Variants in PLEKHH2 observed in about 807,000 individuals in gnomAD.
The protein encoded by PLEKHH2 is pleckstrin homology domain-containing family H member 2.
In PLEKHH2, 129 loss-of-function variants were observed where a neutral mutation model predicts 187.9. The ratio of observed to expected loss-of-function variants is 0.69; its 90% CI spans 0.59 to 0.79. The LOEUF is 0.79. Ranked by LOEUF, PLEKHH2 falls within the 30% of genes least tolerant of loss-of-function variation. The pLI is 0.00. For missense variants in PLEKHH2, 2,076 were observed against 1,751.2 expected, an observed-to-expected ratio of 1.19 and a Z score of -3.31; for synonymous variants, 686 against 605.6, an observed-to-expected ratio of 1.13 and a Z score of -1.95.
At chr2:43,694,576 T>G in intron 5 of PLEKHH2, 62 bp downstream of exon 5, 1 of 1,455,938 alleles carries the variant, frequency 6.9e-7, no homozygotes, top group Non-Finnish European at 9.2e-7. Context: ...TGATACATCA[T>G]CAGAATATGT....
At chr2:43,695,947 G>A (rs569791260) in intron 6 of PLEKHH2, among the ~76,000 whole-genome samples, 60 of 152,260 alleles carry the variant, frequency 3.9e-4, no homozygotes, top group Non-Finnish European at 5.9e-4. Context: ...GCACTTCCAT[G>A]TGTTCTTAGA....
chr2:43,686,328 C>G (rs1668504989), intron 3 of PLEKHH2, among the ~76,000 whole-genome samples: 2 of 152,122 alleles, frequency 1.3e-5, no homozygotes, highest in South Asian at 4.1e-4. Flanking sequence ...TCCCGAGTAG[C>G]TGGGAATACA....
Position 43,710,372 on chromosome 2 carries a change from A to G in PLEKHH2, c.2214+42A>G, listed in dbSNP as rs752569514. The G allele has an allele frequency of 5.0e-6, 8 of 1,595,494 alleles. No individual in the cohort carries two copies. The Admixed American group carries it at 6.8e-5, about 14-fold the overall frequency. On this transcript the variant is annotated intron_variant, in intron 13 of 29. Transcript: ENST00000282406. ...TTCTGTTTAGAACGTAATTCCTCAA[A>G]CTATAAATCAGACGCCTGATTGATT...
At chr2:43,748,034 G>A (rs893453317) in intron 24 of PLEKHH2, among the ~76,000 whole-genome samples, 1 of 152,146 alleles carries the variant, frequency 6.6e-6, no homozygotes, top group African/African-American at 2.4e-5. Flanking sequence ...ACACTCACAT[G>A]TTTATTACTA....
intron 25 of PLEKHH2, 76 bp from the exon 26 acceptor site, chr2:43,757,043 G>GA: frequency 8.3e-7 from 1 of 1,201,122 alleles, no homozygotes; most frequent in Non-Finnish European, 1.1e-6. Flanking sequence ...AGAATGTTTA[G>GA]AAAAAATAAA....
intron 9 of PLEKHH2, among the ~76,000 whole-genome samples, chr2:43,704,539 C>G (rs1158294630): frequency 6.6e-6 from 1 of 151,426 alleles, no homozygotes; most frequent in African/African-American, 2.4e-5. Context: ...GGCGGGCGCC[C>G]ATAGCCCCAG....
At chr2:43,713,018 C>G (rs1438338596) in intron 15 of PLEKHH2, among the ~76,000 whole-genome samples, 2 of 152,060 alleles carry the variant, frequency 1.3e-5, no homozygotes, top group Non-Finnish European at 2.9e-5. Context: ...GAGAGCATTA[C>G]TCTAAAAGGC....
intron 15 of PLEKHH2, among the ~76,000 whole-genome samples, chr2:43,717,977 G>C (rs1670293420): frequency 6.6e-6 from 1 of 152,208 alleles, no homozygotes; most frequent in Non-Finnish European, 1.5e-5. Context: ...TTGTGGTGGA[G>C]AATGCTACAG....
chr2:43,762,849 T>C (rs549518865), intron 28 of PLEKHH2, among the ~76,000 whole-genome samples: 7 of 152,240 alleles, frequency 4.6e-5, no homozygotes, highest in Non-Finnish European at 8.8e-5. Flanking sequence ...AAATTCAAAC[T>C]ATGATATCTA....
At chr2:43,745,757 A>G (rs1467700702) in intron 23 of PLEKHH2, 109 bp from the exon 24 acceptor site, 3 of 690,774 alleles carry the variant, frequency 4.3e-6, no homozygotes, top group African/African-American at 1.8e-5. Flanking sequence ...GCTTGAGTAT[A>G]TTTGGTTTGA....
chr2:43,725,587 C>A (rs1405802018), intron 16 of PLEKHH2, among the ~76,000 whole-genome samples: 2 of 152,198 alleles, frequency 1.3e-5, no homozygotes, highest in Non-Finnish European at 2.9e-5. Context: ...CTGCTGGGGA[C>A]TTGCTTTACC....
Position 43,767,503 on chromosome 2 carries a change from T to G in PLEKHH2, c.*1905T>G, listed in dbSNP as rs1036521450. ...GCCCATCGAATAAGCAAATTTGTTT[T>G]TGAGAATAAACTGGTAACCAGTTTG... On this transcript the variant is annotated 3_prime_UTR_variant, in exon 30 of 30. Coordinates refer to ENST00000282406, the MANE Select transcript of PLEKHH2 (RefSeq NM_172069.4). 6.6e-6 allele frequency: 1 copy of G among 152,388 alleles called. No individual in the cohort carries two copies. Among genetic ancestry groups the G allele is most frequent in the Non-Finnish European group, 1.5e-5 (1 of 68,046 alleles). 9.4% of individuals were successfully genotyped at this position (152,388 alleles called of 1,614,324 possible).
At position 43,725,279 on chromosome 2, in the gene PLEKHH2, T is replaced by G. The variant is rs1366886449; in HGVS notation, c.2542-993T>G. ...GAGTTTGTGTTTGTTGCCATCTTCT[T>G]GCAGCTGTAGGCACCCCCTCTAGTC... On this transcript the variant is annotated intron_variant, in intron 16 of 29. Transcript: ENST00000282406. 3.3e-5 allele frequency among the ~76,000 whole-genome samples: 5 copies of G among 152,176 alleles called. No homozygotes were observed. In the East Asian group the frequency reaches 7.7e-4, roughly 23 times the overall value.
intron 11 of PLEKHH2, among the ~76,000 whole-genome samples, 189 bp downstream of exon 11, chr2:43,707,734 C>T (rs1049586696): frequency 3.6e-5 from 5 of 138,490 alleles, no homozygotes; most frequent in African/African-American, 1.5e-4. Context: ...TGATTTCAGA[C>T]AAATTATATA....
At chr2:43,757,844 TAATA>T (rs1443418062) in intron 26 of PLEKHH2, among the ~76,000 whole-genome samples, 1 of 151,712 alleles carries the variant, frequency 6.6e-6, no homozygotes, top group African/African-American at 2.4e-5. Flanking sequence ...ACAACCCTGA[TAATA>T]AATAAGAGAA....
At chr2:43,698,254 T>TA (rs1484664329) in intron 7 of PLEKHH2, among the ~76,000 whole-genome samples, 2 of 150,720 alleles carry the variant, frequency 1.3e-5, no homozygotes, top group Non-Finnish European at 3.0e-5. Context: ...TCTCTCTCTT[T>TA]TTTTTTTTTT....
chr2:43,762,247 AT>A, intron 27 of PLEKHH2, 56 bp from the exon 28 acceptor site: 1 of 1,300,724 alleles, frequency 7.7e-7, no homozygotes, highest in African/African-American at 1.5e-5. Flanking sequence ...AGACTGAAAA[AT>A]ATTCCTGTAA....
At chr2:43,728,269 A>G (rs1670865398) in intron 17 of PLEKHH2, among the ~76,000 whole-genome samples, 1 of 151,692 alleles carries the variant, frequency 6.6e-6, no homozygotes, top group African/African-American at 2.4e-5. Context: ...ACCTGAGGTC[A>G]GGAGTTCGAG....
chr2:43,729,699 A>T lies in PLEKHH2; in HGVS notation c.2784A>T (p.Glu928Asp). 1 of 1,609,890 alleles carries T rather than the reference A, an allele frequency of 6.2e-7. No individual in the cohort carries two copies. Among genetic ancestry groups the T allele is most frequent in the Non-Finnish European group, 8.5e-7 (1 of 1,178,732 alleles). ...AGSNNVNVGS[E>D]FEQLVCKLLN... ...GCAACAATGTAAACGTTGGATCTGA[A>T]TTTGAACAACTGGTTTGCAAATTGC... is the stretch of plus-strand genomic sequence containing the variant. The change falls in exon 18 of 30, where the codon GAA (glutamate) becomes GAT (aspartate). Residue 928 changes from glutamate to aspartate, a missense_variant. Transcript: ENST00000282406.
Sources: gnomAD v4.1 joint callset for allele counts (sites outside exome capture counted in the v4.1 genomes callset) on GRCh38, gnomAD v4.1.1 for gene constraint, MANE v1.5 for transcripts, NCBI Gene and HGNC (gene_info 2026-07-23, HGNC 2026-07-21) for gene names.